Variants in PRKG1 observed in about 807,000 individuals in gnomAD.
The protein encoded by PRKG1 is cGMP-dependent protein kinase 1.
Under a neutral mutation model 88.1 loss-of-function variants are expected in PRKG1, and 35 were observed. That is an observed-to-expected ratio of 0.40 (90% CI 0.30 to 0.53). The LOEUF (loss-of-function observed/expected upper bound fraction) is 0.53, where lower values mean the gene tolerates loss of function less well. Among genes scored for constraint, PRKG1 ranks in the 20% least tolerant of loss-of-function variants. The pLI, the probability that PRKG1 is intolerant of heterozygous loss-of-function variation, is 0.59. For synonymous variants in PRKG1, 303 were observed against 292.5 expected, an observed-to-expected ratio of 1.04 and a Z score of -0.37; for missense variants, 540 against 839.8, an observed-to-expected ratio of 0.64 and a Z score of 4.41.
At chr10:51,416,221 A>G (rs535089349) in intron 2 of PRKG1, among the ~76,000 whole-genome samples, 2 of 152,236 alleles carry the variant, frequency 1.3e-5, no homozygotes, top group Non-Finnish European at 2.9e-5. Flanking sequence ...AAATAATTCA[A>G]TTAATAGCAA....
At chr10:52,164,320 C>T (rs1838369587) in intron 9 of PRKG1, among the ~76,000 whole-genome samples, 1 of 151,958 alleles carries the variant, frequency 6.6e-6, no homozygotes, top group African/African-American at 2.4e-5. Flanking sequence ...CATTACCCTC[C>T]AGCCTGGGCG....
chr10:52,110,123 C>A (rs1422678214), intron 7 of PRKG1, among the ~76,000 whole-genome samples: 9 of 151,804 alleles, frequency 5.9e-5, no homozygotes, highest in Non-Finnish European at 4.4e-5. Context: ...CCGAGGCGGG[C>A]GGATCACGAG....
intron 3 of PRKG1, among the ~76,000 whole-genome samples, chr10:51,507,050 G>C (rs1287244463): frequency 6.6e-6 from 1 of 150,716 alleles, no homozygotes; most frequent in Admixed American, 6.6e-5. Flanking sequence ...CTAGTGCAAG[G>C]ACAAAACACC....
chr10:51,116,694 A>C (rs12782602), intron 1 of PRKG1, among the ~76,000 whole-genome samples: 1 of 152,120 alleles, frequency 6.6e-6, no homozygotes, highest in Non-Finnish European at 1.5e-5. Context: ...TTTCCTCTGA[A>C]ATCCCTGGAG....
chr10:51,237,314 G>T (rs558944907), intron 2 of PRKG1, among the ~76,000 whole-genome samples: 1 of 152,310 alleles, frequency 6.6e-6, no homozygotes, highest in South Asian at 2.1e-4. Flanking sequence ...CCAAAGAGTT[G>T]CTCTAAAATG....
At chr10:51,423,410 T>C (rs1460756149) in intron 2 of PRKG1, among the ~76,000 whole-genome samples, 4 of 152,214 alleles carry the variant, frequency 2.6e-5, no homozygotes, top group African/African-American at 4.8e-5. Flanking sequence ...CTCTTTGTCT[T>C]CCTTGTTCCT....
At chr10:51,803,692 T>C (rs1839232879) in intron 3 of PRKG1, among the ~76,000 whole-genome samples, 1 of 152,142 alleles carries the variant, frequency 6.6e-6, no homozygotes, top group South Asian at 2.1e-4. Context: ...TCAGACTACA[T>C]TCCCCATGAC....
At chr10:51,471,786 C>A (rs964875532) in intron 3 of PRKG1, among the ~76,000 whole-genome samples, 2 of 151,858 alleles carry the variant, frequency 1.3e-5, no homozygotes, top group African/African-American at 4.8e-5. Flanking sequence ...CAAATGGTCT[C>A]ATTCAACTAA....
chr10:51,127,562 A>G (rs7090857), intron 1 of PRKG1, among the ~76,000 whole-genome samples: 121,206 of 152,140 alleles, frequency 0.8, 48,843 homozygotes, highest in South Asian at 0.88. Context: ...ATTCCTCAAG[A>G]ATCTAGAACC....
chr10:52,254,552 A>G (rs76081289), intron 10 of PRKG1, among the ~76,000 whole-genome samples: 3,321 of 152,092 alleles, frequency 0.022, 127 homozygotes, highest in African/African-American at 0.076. Context: ...GAGTATAAAG[A>G]ATTTAGAAAT....
chr10:52,203,233 C>G (rs1839723385), intron 9 of PRKG1, among the ~76,000 whole-genome samples: 1 of 152,124 alleles, frequency 6.6e-6, no homozygotes, highest in Admixed American at 6.5e-5. Context: ...TCATTAGTTT[C>G]AAATAATTCC....
intron 3 of PRKG1, among the ~76,000 whole-genome samples, chr10:51,796,349 A>G (rs1477913662): frequency 6.6e-6 from 1 of 152,086 alleles, no homozygotes; most frequent in Non-Finnish European, 1.5e-5. Context: ...ATTTTACCCA[A>G]TATACCAAAA....
At chr10:51,531,973 G>A (rs750491073) in intron 3 of PRKG1, among the ~76,000 whole-genome samples, 8 of 152,120 alleles carry the variant, frequency 5.3e-5, no homozygotes, top group East Asian at 1.9e-4. Context: ...TGACAGTCAG[G>A]ACACTCGATT....
chr10:51,560,081 C>A (rs1837418593), intron 3 of PRKG1, among the ~76,000 whole-genome samples: 1 of 152,060 alleles, frequency 6.6e-6, no homozygotes, highest in South Asian at 2.1e-4. Flanking sequence ...ACATTTATTT[C>A]TGCAGCTTTT....
intron 6 of PRKG1, 29 bp downstream of exon 6, chr10:52,054,590 G>A (rs1268770727): frequency 1.9e-6 from 3 of 1,597,028 alleles, no homozygotes; most frequent in Non-Finnish European, 2.6e-6. Context: ...AGACAGTGAT[G>A]CACTAGGGGA....
chr10:51,954,886 T>C (rs544201787), intron 5 of PRKG1, among the ~76,000 whole-genome samples: 31 of 152,184 alleles, frequency 2.0e-4, no homozygotes, highest in Non-Finnish European at 3.4e-4. Flanking sequence ...CCCAACCATG[T>C]ACCTACCTAT....
intron 5 of PRKG1, among the ~76,000 whole-genome samples, chr10:52,013,396 G>A (rs553575888): frequency 2.7e-5 from 4 of 149,742 alleles, no homozygotes; most frequent in Non-Finnish European, 5.9e-5. Flanking sequence ...TCCAGCCTGG[G>A]TGACAGAGCG....
chr10:52,018,796 A>G (rs1845108156), intron 5 of PRKG1, among the ~76,000 whole-genome samples: 1 of 152,198 alleles, frequency 6.6e-6, no homozygotes, highest in South Asian at 2.1e-4. Flanking sequence ...AAAAGGTGGT[A>G]GGGTTTTTAA....
At chr10:51,699,684 G>C in intron 3 of PRKG1, 1 of 972,458 alleles carries the variant, frequency 1.0e-6, no homozygotes, top group South Asian at 1.6e-5. Flanking sequence ...GAATCGTTCC[G>C]CTTGCCTGTG....
Sources: gnomAD v4.1 joint callset for allele counts (sites outside exome capture counted in the v4.1 genomes callset) on GRCh38, gnomAD v4.1.1 for gene constraint, MANE v1.5 for transcripts, NCBI Gene and HGNC (gene_info 2026-07-23, HGNC 2026-07-21) for gene names.